PTPN3: variants seen among roughly 807,000 people sequenced by gnomAD.
PTPN3 encodes protein tyrosine phosphatase non-receptor type 3, also known as tyrosine-protein phosphatase non-receptor type 3.
A neutral mutation model predicts 132.7 loss-of-function variants in PTPN3; 96 were observed. The ratio of observed to expected loss-of-function variants is 0.72; its 90% CI spans 0.61 to 0.86. The LOEUF (loss-of-function observed/expected upper bound fraction) is 0.86. Ranked by LOEUF, PTPN3 falls within the 40% of genes least tolerant of loss-of-function variation. The probability of loss-of-function intolerance (pLI) is 0.00; values close to 1 mark genes in which losing one functional copy is unlikely to be tolerated. For missense variants in PTPN3, 1,125 were observed against 1,159.6 expected (o/e 0.97, Z 0.43); for synonymous variants, 398 against 429.0 (o/e 0.93, Z 0.89).
At chr9:109,409,575 C>G (rs1841904285) in intron 16 of PTPN3, among the ~76,000 whole-genome samples, 1 of 151,888 alleles carries the variant, frequency 6.6e-6, no homozygotes, top group Non-Finnish European at 1.5e-5. Flanking sequence ...GCCTGTAATC[C>G]CGGCACTTTG....
At chr9:109,495,655 T>G (rs1424100697) in intron 1 of PTPN3, among the ~76,000 whole-genome samples, 1 of 152,170 alleles carries the variant, frequency 6.6e-6, no homozygotes, top group Non-Finnish European at 1.5e-5. Flanking sequence ...CTCTCAATTC[T>G]CTGAAGCCAA....
chr9:109,472,851 G>A (rs889420914), intron 1 of PTPN3, among the ~76,000 whole-genome samples: 6 of 152,122 alleles, frequency 3.9e-5, no homozygotes, highest in African/African-American at 9.7e-5. Flanking sequence ...AAAAACAAAC[G>A]TCCTTATTCA....
intron 9 of PTPN3, 76 bp downstream of exon 9, chr9:109,436,807 T>A: frequency 1.3e-6 from 2 of 1,528,132 alleles, no homozygotes; most frequent in Non-Finnish European, 1.8e-6. Flanking sequence ...AATAGTTTCA[T>A]CAAAGAATTT....
intron 1 of PTPN3, among the ~76,000 whole-genome samples, chr9:109,488,289 G>A (rs139351001): frequency 4.9e-4 from 75 of 151,888 alleles, no homozygotes; most frequent in African/African-American, 1.7e-3. Flanking sequence ...TAGTAGAGGC[G>A]GGGTTTTGCC....
At chr9:109,439,086 T>G (rs903619033) in intron 7 of PTPN3, among the ~76,000 whole-genome samples, 1 of 152,284 alleles carries the variant, frequency 6.6e-6, no homozygotes, top group Non-Finnish European at 1.5e-5. Context: ...TGATGGGCAT[T>G]CTTGAGAGTT....
At chr9:109,465,013 G>A (rs1846026326) in intron 1 of PTPN3, among the ~76,000 whole-genome samples, 1 of 152,176 alleles carries the variant, frequency 6.6e-6, no homozygotes, top group Non-Finnish European at 1.5e-5. Flanking sequence ...CTCACTTTGT[G>A]ACAATTTACC....
intron 10 of PTPN3, among the ~76,000 whole-genome samples, chr9:109,432,208 G>C (rs1052878799): frequency 2.6e-5 from 4 of 151,718 alleles, no homozygotes; most frequent in African/African-American, 9.7e-5. Context: ...TGTGTTTCAG[G>C]TAATGAAATT....
intron 1 of PTPN3, among the ~76,000 whole-genome samples, chr9:109,487,476 G>A (rs144948065): frequency 3.3e-5 from 5 of 152,314 alleles, no homozygotes; most frequent in Admixed American, 2.0e-4. Context: ...CAAACCTTCC[G>A]GCCTCACCAG....
chr9:109,481,032 A>G (rs1041160644), intron 1 of PTPN3, among the ~76,000 whole-genome samples: 8 of 152,212 alleles, frequency 5.3e-5, no homozygotes, highest in African/African-American at 1.9e-4. Flanking sequence ...TTTCATAACA[A>G]AGGAAATCTA....
chr9:109,495,901 C>G lies in PTPN3; in HGVS notation c.-18+2318G>C, dbSNP rs186613547. ...TGCTCCAAGCTGTCTGAGGGCCCAC[C>G]ACCTGTCTGGCCTGACCAGGGCCTG... On this transcript the variant is annotated intron_variant, in intron 1 of 25. Transcript: ENST00000374541. Among the ~76,000 whole-genome samples, 337 of 152,272 alleles carry G rather than the reference C, an allele frequency of 2.2e-3. 1 individual carries two copies. The highest frequency in any genetic ancestry group is 7.5e-3 in the African/African-American group (310 of 41,536).
chr9:109,396,108 C>T (rs543838990), intron 19 of PTPN3, among the ~76,000 whole-genome samples: 14 of 152,134 alleles, frequency 9.2e-5, no homozygotes, highest in African/African-American at 2.7e-4. Flanking sequence ...GCAAGCCACC[C>T]GTCTTGGCCT....
intron 1 of PTPN3, among the ~76,000 whole-genome samples, chr9:109,473,146 C>T (rs1846461268): frequency 1.3e-5 from 2 of 152,202 alleles, no homozygotes; most frequent in Non-Finnish European, 2.9e-5. Context: ...ACACAGGTCA[C>T]TTTAATAATA....
At chr9:109,532,101 A>C in the PTPN3 span, among the ~76,000 whole-genome samples, 1 of 152,170 alleles carries the variant, frequency 6.6e-6, no homozygotes, top group South Asian at 2.1e-4. Context: ...TTTTGGTGGG[A>C]GTGAAACTGG....
chr9:109,487,022 G>A (rs1304177727), intron 1 of PTPN3, among the ~76,000 whole-genome samples: 1 of 152,150 alleles, frequency 6.6e-6, no homozygotes, highest in Non-Finnish European at 1.5e-5. Flanking sequence ...TATAAATAAC[G>A]CAGTCTTGGG....
rs2131561968 is a variant in PTPN3, at chr9:109,377,509, G to C, written c.*2047C>G. 6.6e-6 allele frequency: 1 copy of C among 152,584 alleles called. No individual in the cohort carries two copies. Among genetic ancestry groups the C allele is most frequent in the East Asian group, 1.9e-4 (1 of 5,190 alleles). The allele number at this position is 152,584 out of a possible 1,614,324, so 9.5% of individuals were successfully genotyped here. The stretch of plus-strand genomic sequence containing the variant: ...TAGTCCCGGCTACTCAGGAGGCTGA[G>C]GTGCGAGGATTGCTTGAGCCCAGGA... On this transcript the variant is annotated 3_prime_UTR_variant, in exon 26 of 26. Coordinates refer to ENST00000374541, the MANE Select transcript of PTPN3 (RefSeq NM_002829.4).
At chr9:109,467,530 G>A (rs374981837) in intron 1 of PTPN3, among the ~76,000 whole-genome samples, 3 of 152,134 alleles carry the variant, frequency 2.0e-5, no homozygotes, top group African/African-American at 4.8e-5. Flanking sequence ...CAGGCTCTGC[G>A]GAATCTAAGC....
At chr9:109,512,415 A>T in the PTPN3 span, among the ~76,000 whole-genome samples, 2 of 152,250 alleles carry the variant, frequency 1.3e-5, no homozygotes, top group African/African-American at 4.8e-5. Flanking sequence ...CACTCCTGAG[A>T]AGAACACACA....
chr9:109,382,346 C>T lies in PTPN3; in HGVS notation c.2484G>A (p.Val828=), dbSNP rs1405538012. Residue 828 remains valine (V), a synonymous_variant, in exon 24 of 26, where the codon GTG becomes GTA. Coordinates refer to ENST00000374541, the MANE Select transcript of PTPN3 (RefSeq NM_002829.4). ...GCTCGCTGTCCACTCTCAGAGACCTCACATAGTTTACAAATTCCAGAAAGT... is the reference window on the plus strand; with the variant it reads ...GCTCGCTGTCCACTCTCAGAGACCTTACATAGTTTACAAATTCCAGAAAGT... ...SSDFLEFVNY[V]RSLRVDSEPV... is the part of the protein sequence containing the mutation. 2.5e-6 allele frequency: 4 copies of T among 1,613,994 alleles called. No individual in the cohort carries two copies. The highest frequency in any genetic ancestry group is 2.7e-5 in the African/African-American group (2 of 74,940).
intron 19 of PTPN3, among the ~76,000 whole-genome samples, chr9:109,394,112 G>C (rs1025399548): frequency 3.3e-5 from 5 of 152,208 alleles, no homozygotes; most frequent in African/African-American, 1.2e-4. Flanking sequence ...GTTTTGGGTT[G>C]ACTCTGGCAG....
Sources: gnomAD v4.1 joint callset for allele counts (sites outside exome capture counted in the v4.1 genomes callset) on GRCh38, gnomAD v4.1.1 for gene constraint, MANE v1.5 for transcripts, NCBI Gene and HGNC (gene_info 2026-07-23, HGNC 2026-07-21) for gene names.